Variants in ANO4 observed in about 807,000 individuals in gnomAD.
ANO4 encodes anoctamin 4.
ANO4 carries 69 observed loss-of-function variants against 141.9 expected under a neutral mutation model. The ratio of observed to expected loss-of-function variants is 0.49; its 90% CI spans 0.40 to 0.59. The LOEUF is 0.59. Among genes scored for constraint, ANO4 ranks in the 20% least tolerant of loss-of-function variants. The probability of loss-of-function intolerance (pLI) is 0.00; values close to 1 mark genes in which losing one functional copy is unlikely to be tolerated. For missense variants in ANO4, 894 were observed against 1,162.2 expected, an observed-to-expected ratio of 0.77 and a Z score of 3.36; for synonymous variants, 350 against 394.3, an observed-to-expected ratio of 0.89 and a Z score of 1.33.
intron 5 of ANO4, among the ~76,000 whole-genome samples, chr12:100,951,931 T>C (rs750890329): frequency 6.6e-6 from 1 of 152,202 alleles, no homozygotes; most frequent in Non-Finnish European, 1.5e-5. Flanking sequence ...TAGATGCCAG[T>C]AGCACCTCCT....
intron 1 of ANO4, among the ~76,000 whole-genome samples, chr12:100,870,260 AT>A (rs2038966990): frequency 6.6e-6 from 1 of 152,204 alleles, no homozygotes; most frequent in Non-Finnish European, 1.5e-5. Context: ...TATGCAGCAA[AT>A]TGTATTTCAA....
intron 24 of ANO4, among the ~76,000 whole-genome samples, chr12:101,112,035 A>G (rs1593298939): frequency 6.6e-6 from 1 of 152,158 alleles, no homozygotes; most frequent in African/African-American, 2.4e-5. Context: ...TGATATGCTA[A>G]TGTGTATACC....
At chr12:100,886,091 T>C (rs192181936) in intron 1 of ANO4, among the ~76,000 whole-genome samples, 1 of 152,304 alleles carries the variant, frequency 6.6e-6, no homozygotes, top group East Asian at 1.9e-4. Flanking sequence ...TTTCAAACTA[T>C]CTTTTAATCT....
At chr12:100,810,114 G>T (rs2035311700) in intron 1 of ANO4, among the ~76,000 whole-genome samples, 1 of 151,586 alleles carries the variant, frequency 6.6e-6, no homozygotes, top group Non-Finnish European at 1.5e-5. Flanking sequence ...TGATGAAGCA[G>T]AATGCAGCAG....
chr12:100,774,811 A>G (rs80272991), intron 3 of ANO4, among the ~76,000 whole-genome samples: 4,441 of 152,342 alleles, frequency 0.029, 185 homozygotes, highest in Admixed American at 0.12. Context: ...CTTTCCCTAT[A>G]GCAAAACCGA....
At chr12:100,925,400 T>C (rs1474845237) in intron 3 of ANO4, among the ~76,000 whole-genome samples, 1 of 151,796 alleles carries the variant, frequency 6.6e-6, no homozygotes, top group Non-Finnish European at 1.5e-5. Flanking sequence ...ATTGTTCAAC[T>C]CCCACTTATA....
chr12:100,976,688 T>C (rs1713302046), intron 7 of ANO4, among the ~76,000 whole-genome samples: 1 of 152,168 alleles, frequency 6.6e-6, no homozygotes, highest in South Asian at 2.1e-4. Context: ...TTGGAAACCA[T>C]TGGTCTGTAT....
chr12:101,104,024 TA>T (rs1443618574), intron 22 of ANO4, among the ~76,000 whole-genome samples: 7 of 152,112 alleles, frequency 4.6e-5, no homozygotes, highest in African/African-American at 1.7e-4. Flanking sequence ...CTTAGCAGCG[TA>T]AAATTGTTTA....
intron 3 of ANO4, among the ~76,000 whole-genome samples, chr12:100,937,680 A>G (rs201610833): frequency 6.6e-6 from 1 of 152,098 alleles, no homozygotes; most frequent in African/African-American, 2.4e-5. Flanking sequence ...GCCTCAAACA[A>G]TATGTTTATT....
chr12:100,892,290 G>C (rs184126297), intron 1 of ANO4, among the ~76,000 whole-genome samples: 1 of 152,280 alleles, frequency 6.6e-6, no homozygotes, highest in Non-Finnish European at 1.5e-5. Context: ...CATTTAAAGA[G>C]TTTTAAATCA....
chr12:100,794,412 T>G (rs2034172085), upstream of ANO4, among the ~76,000 whole-genome samples: 1 of 152,152 alleles, frequency 6.6e-6, no homozygotes, highest in Non-Finnish European at 1.5e-5. Flanking sequence ...AGATCTTTGT[T>G]AAATACAAGC....
chr12:100,787,513 T>A (rs1275903183), intron 3 of ANO4, among the ~76,000 whole-genome samples: 2 of 152,048 alleles, frequency 1.3e-5, no homozygotes, highest in African/African-American at 4.8e-5. Flanking sequence ...AGAGGAGAGT[T>A]TTCTGTTGGA....
rs935411306 is a variant in ANO4 at position 100,867,599 on chromosome 12, G to GTC, written c.-140-34034_-140-34033dup. Among the ~76,000 whole-genome samples the GTC allele has an allele frequency of 1.3e-3, 132 of 105,180 alleles. 2 individuals are homozygous for GTC. Among genetic ancestry groups the GTC allele is most frequent in the African/African-American group, 1.4e-3 (40 of 27,880 alleles). 69.0% of individuals were successfully genotyped at this position (105,180 alleles called of 152,430 possible). ...TCTCATCCAGAAAAACTCTCTCTCT[G>GTC]TCTCTCTCTCTCTCACACACACACA... On this transcript the variant is annotated intron_variant, in intron 1 of 27. Coordinates refer to ENST00000392977, the MANE Select transcript of ANO4 (RefSeq NM_001286615.2).
chr12:100,951,804 A>G (rs763306273), intron 5 of ANO4, among the ~76,000 whole-genome samples: 1 of 152,182 alleles, frequency 6.6e-6, no homozygotes, highest in African/African-American at 2.4e-5. Flanking sequence ...CAGTCAATTC[A>G]TCTCCAGGGT....
chr12:101,089,753 T>C (rs1427996525), intron 17 of ANO4, among the ~76,000 whole-genome samples: 1 of 152,206 alleles, frequency 6.6e-6, no homozygotes, highest in Non-Finnish European at 1.5e-5. Flanking sequence ...AAATGGGATC[T>C]AATTAAACTG....
At chr12:100,899,624 A>G (rs979219185) in intron 1 of ANO4, among the ~76,000 whole-genome samples, 3 of 152,192 alleles carry the variant, frequency 2.0e-5, no homozygotes, top group African/African-American at 7.2e-5. Flanking sequence ...AAGATTTGCT[A>G]GAGTTTACAA....
chr12:100,744,733 T>A (rs988523407), intron 3 of ANO4, among the ~76,000 whole-genome samples: 2 of 152,180 alleles, frequency 1.3e-5, no homozygotes, highest in African/African-American at 4.8e-5. Context: ...TATGTCTATT[T>A]TAGAAATATT....
At chr12:101,097,133 GGTAAT>G (rs2050017385) in intron 19 of ANO4, among the ~76,000 whole-genome samples, 1 of 152,082 alleles carries the variant, frequency 6.6e-6, no homozygotes, top group Non-Finnish European at 1.5e-5. Context: ...CCTGGGTAGT[GGTAAT>G]GTCGCATGAA....
At chr12:100,856,669 G>T (rs553660559) in intron 1 of ANO4, among the ~76,000 whole-genome samples, 1 of 152,128 alleles carries the variant, frequency 6.6e-6, no homozygotes, top group Non-Finnish European at 1.5e-5. Flanking sequence ...GAAGAAGCTT[G>T]CCAGGTATAC....
Sources: gnomAD v4.1 joint callset for allele counts (sites outside exome capture counted in the v4.1 genomes callset) on GRCh38, gnomAD v4.1.1 for gene constraint, MANE v1.5 for transcripts, NCBI Gene and HGNC (gene_info 2026-07-23, HGNC 2026-07-21) for gene names.